EHMT1: variants seen among roughly 807,000 people sequenced by gnomAD.
EHMT1 encodes the protein euchromatic histone lysine methyltransferase 1.
Under a neutral mutation model 147.2 loss-of-function variants are expected in EHMT1, and 15 were observed. The ratio of observed to expected loss-of-function variants is 0.10; its 90% CI spans 0.07 to 0.16. The LOEUF is 0.16. Ranked by LOEUF, EHMT1 falls within the 10% of genes least tolerant of loss-of-function variation. The probability of loss-of-function intolerance (pLI) is 1.00; values close to 1 mark genes in which losing one functional copy is unlikely to be tolerated. For synonymous variants in EHMT1, 795 were observed against 709.6 expected, an observed-to-expected ratio of 1.12 and a Z score of -1.91; for missense variants, 1,587 against 1,772.4, an observed-to-expected ratio of 0.90 and a Z score of 1.88.
chr9:137,666,143 G>C (rs1939622102), intron 1 of EHMT1: 1 of 152,284 alleles, frequency 6.6e-6, no homozygotes, highest in South Asian at 2.1e-4. Flanking sequence ...CGCTTGCTGT[G>C]ATGGTGGGGA....
At position 137,756,177 on chromosome 9, in the gene EHMT1, G is replaced by A. The variant is rs538307689; in HGVS notation, c.1370-1703G>A. ...TTTCTTCTTGGCATCTGCAGGCTCCGCGCTTGCCTGTCGGTTCATTTTGCA... is the reference window on the plus strand; with the variant it reads ...TTTCTTCTTGGCATCTGCAGGCTCCACGCTTGCCTGTCGGTTCATTTTGCA... On this transcript the variant is annotated intron_variant, in intron 8 of 26. Coordinates refer to ENST00000460843, the MANE Select transcript of EHMT1 (RefSeq NM_024757.5). 4.2e-4 allele frequency among the ~76,000 whole-genome samples: 64 copies of A among 152,316 alleles called. 1 individual carries two copies. Among genetic ancestry groups the A allele is most frequent in the Middle Eastern group, 3.4e-3 (1 of 294 alleles).
chr9:137,706,901 A>G (rs1203534838), intron 1 of EHMT1, among the ~76,000 whole-genome samples: 9 of 150,724 alleles, frequency 6.0e-5, no homozygotes, highest in African/African-American at 9.8e-5. Context: ...AGCTCACTGC[A>G]ACCTCCGCCC....
intron 18 of EHMT1, chr9:137,803,347 C>G (rs1234699427): frequency 1.0e-6 from 1 of 972,822 alleles, no homozygotes; most frequent in Non-Finnish European, 1.2e-6. Flanking sequence ...CCCTGATGAT[C>G]TTCAGGTGAT....
chr9:137,650,364 G>T (rs1937662686), intron 1 of EHMT1, among the ~76,000 whole-genome samples: 1 of 152,022 alleles, frequency 6.6e-6, no homozygotes, highest in Non-Finnish European at 1.5e-5. Context: ...CTCCCAAAGT[G>T]CTGGGATTAC....
At chr9:137,798,792 T>A (rs746457076) in intron 16 of EHMT1, 21 bp from the exon 17 acceptor site, 2 of 1,603,632 alleles carry the variant, frequency 1.2e-6, no homozygotes, top group Non-Finnish European at 1.7e-6. Flanking sequence ...ATTCTTTGAC[T>A]AAGTGGCATT....
intron 18 of EHMT1, among the ~76,000 whole-genome samples, chr9:137,808,249 G>A (rs1954117005): frequency 6.6e-6 from 1 of 152,102 alleles, no homozygotes; most frequent in Admixed American, 6.5e-5. Flanking sequence ...CTTCCTGCCG[G>A]AAGTGCACAG....
chr9:137,678,490 A>G (rs1460092301), intron 1 of EHMT1, among the ~76,000 whole-genome samples: 1 of 152,084 alleles, frequency 6.6e-6, no homozygotes, highest in Non-Finnish European at 1.5e-5. Flanking sequence ...TGTCCGTGTC[A>G]GTTCCCTGCG....
At chr9:137,821,937 A>G (rs1955452637) in intron 25 of EHMT1, among the ~76,000 whole-genome samples, 1 of 151,922 alleles carries the variant, frequency 6.6e-6, no homozygotes, top group Non-Finnish European at 1.5e-5. Flanking sequence ...TTTCTCTTGG[A>G]TCAACTTTAT....
Position 137,811,600 on chromosome 9 carries a change from G to T in EHMT1, c.2852G>T (p.Arg951Leu). The T allele has an allele frequency of 6.2e-7, 1 of 1,602,460 alleles. No individual in the cohort carries two copies. The change falls in exon 19 of 27, where the codon CGC (arginine) becomes CTC (leucine). Residue 951 changes from arginine (R) to leucine (L), a missense_variant. By Grantham distance (102) the Arg-to-Leu change is moderately radical. Around this residue, in one of 7 missense-constraint regions of EHMT1, gnomAD observed 201 missense variants for 350.1 expected, o/e 0.57. Coordinates refer to ENST00000460843, the MANE Select transcript of EHMT1 (RefSeq NM_024757.5). ...SPLHIAARENRYDCVVLFLSR... is the reference protein window; with the variant it reads ...SPLHIAARENLYDCVVLFLSR... Reference sequence around the variant, plus strand: ...CTGCACATTGCCGCCCGGGAGAACCGCTACGACTGTGTCGTGTGAGTGCAG... The same window carrying T: ...CTGCACATTGCCGCCCGGGAGAACCTCTACGACTGTGTCGTGTGAGTGCAG...
At chr9:137,631,968 G>C (rs1843659205) in intron 1 of EHMT1, among the ~76,000 whole-genome samples, 1 of 152,196 alleles carries the variant, frequency 6.6e-6, no homozygotes, top group Non-Finnish European at 1.5e-5. Context: ...GTAGTGCACT[G>C]CCTTTTCTGT....
At chr9:137,795,671 C>T (rs1332344704) in intron 16 of EHMT1, among the ~76,000 whole-genome samples, 2 of 151,714 alleles carry the variant, frequency 1.3e-5, no homozygotes, top group Admixed American at 6.6e-5. Flanking sequence ...TATAACAAAA[C>T]AACGCTGAAT....
intron 2 of EHMT1, among the ~76,000 whole-genome samples, chr9:137,714,063 C>T (rs9410120): frequency 0.11 from 16,910 of 152,234 alleles, 3,003 homozygotes; most frequent in African/African-American, 0.38. Context: ...GGAATTTCTG[C>T]ATAAAAGCTT....
At chr9:137,680,548 A>G (rs1941839151) in intron 1 of EHMT1, among the ~76,000 whole-genome samples, 1 of 152,246 alleles carries the variant, frequency 6.6e-6, no homozygotes, top group African/African-American at 2.4e-5. Context: ...GGAATAGTCC[A>G]TGAGAAAAGG....
At chr9:137,761,591 T>C (rs1320086986) in intron 9 of EHMT1, among the ~76,000 whole-genome samples, 2 of 152,102 alleles carry the variant, frequency 1.3e-5, no homozygotes, top group East Asian at 1.9e-4. Flanking sequence ...GTAGCTGGGA[T>C]TACAGGCATG....
At chr9:137,694,979 C>A (rs561656213) in intron 1 of EHMT1, among the ~76,000 whole-genome samples, 2 of 152,304 alleles carry the variant, frequency 1.3e-5, no homozygotes, top group Admixed American at 1.3e-4. Context: ...AGAGCACATA[C>A]CCTCTGACCT....
At chr9:137,678,735 C>A (rs60289189) in intron 1 of EHMT1, among the ~76,000 whole-genome samples, 1,986 of 106,108 alleles carry the variant, frequency 0.019, 41 homozygotes, top group African/African-American at 0.067. Context: ...CCCCGAAAAA[C>A]GTATTGCACT....
Position 137,782,521 on chromosome 9 carries a change from C to A in EHMT1, c.2382+124C>A. 1.1e-6 allele frequency: 1 copy of A among 925,896 alleles called. No homozygotes were observed. 57.4% of individuals were successfully genotyped at this position (925,896 alleles called of 1,614,324 possible). On this transcript the variant is annotated intron_variant, in intron 15 of 26. Transcript: ENST00000460843. This position sits in a 1 kb window ranked among gnomAD's most constrained non-coding sequence, Gnocchi z 5.7. ...GTTCCGTAGTGCTGTGAATCGGGCA[C>A]AGAGTCAGCTTTTCTGCCCCCGAGT...
At chr9:137,729,324 C>A (rs2135799363) in intron 4 of EHMT1, among the ~76,000 whole-genome samples, 1 of 152,314 alleles carries the variant, frequency 6.6e-6, no homozygotes, top group South Asian at 2.1e-4. Flanking sequence ...CACGGTGGCT[C>A]ACGCCTGTAA....
intron 3 of EHMT1, among the ~76,000 whole-genome samples, chr9:137,724,730 G>A (rs967460112): frequency 1.3e-5 from 2 of 152,176 alleles, no homozygotes; most frequent in Non-Finnish European, 2.9e-5. Flanking sequence ...AAGGGGGACC[G>A]ACTCCTGAGT....
Sources: allele counts gnomAD v4.1 joint callset (sites outside exome capture counted in the v4.1 genomes callset), GRCh38; gene constraint gnomAD v4.1.1; regional missense constraint gnomAD v4.1.1; non-coding constraint Gnocchi (gnomAD v3.1); transcripts MANE v1.5; gene names NCBI Gene and HGNC (gene_info 2026-07-23, HGNC 2026-07-21).